PCDH7: variants seen among roughly 807,000 people sequenced by gnomAD.
PCDH7 encodes the protein protocadherin 7.
A neutral mutation model predicts 58.9 loss-of-function variants in PCDH7; 17 were observed. That is an observed-to-expected ratio of 0.29 (90% CI 0.20 to 0.43). PCDH7 has a LOEUF of 0.43. Ranked by LOEUF, PCDH7 falls within the 20% of genes least tolerant of loss-of-function variation. PCDH7 has a pLI of 1.00. For missense variants in PCDH7, 1,274 were observed against 1,441.0 expected (o/e 0.88, Z 1.88); for synonymous variants, 664 against 616.4 (o/e 1.08, Z -1.14).
At chr4:30,949,741 TG>T (rs1019514597) in intron 2 of PCDH7, among the ~76,000 whole-genome samples, 2 of 152,112 alleles carry the variant, frequency 1.3e-5, no homozygotes, top group African/African-American at 4.8e-5. Context: ...ATAATCCTAC[TG>T]TATGTTAGAA....
intron 1 of PCDH7, among the ~76,000 whole-genome samples, chr4:30,836,122 G>A (rs998021720): frequency 2.6e-5 from 4 of 152,162 alleles, no homozygotes; most frequent in African/African-American, 9.7e-5. Flanking sequence ...GACTTGGATA[G>A]CTAATGGAGA....
At chr4:31,102,297 A>T (rs1037843712) in intron 3 of PCDH7, among the ~76,000 whole-genome samples, 19 of 152,152 alleles carry the variant, frequency 1.2e-4, no homozygotes, top group Non-Finnish European at 2.5e-4. Context: ...TTGGAAACTG[A>T]AATACTTTAT....
At position 31,082,730 on chromosome 4, in the gene PCDH7, T is replaced by C. The variant is rs192754692; in HGVS notation, c.*8-59743T>C. ...TAAAAGTAGGAACTAAGCTATGAGT[T>C]CACAAAGGCATACAGAGTGATATAA... On this transcript the variant is annotated intron_variant, in intron 3 of 3. Coordinates refer to the PCDH7 transcript ENST00000509759. 8.4e-4 allele frequency among the ~76,000 whole-genome samples: 101 copies of C among 120,030 alleles called. 1 individual carries two copies. Among genetic ancestry groups the C allele is most frequent in the African/African-American group, 3.2e-3 (99 of 31,290 alleles). 78.7% of individuals were successfully genotyped at this position (120,030 alleles called of 152,430 possible). A position where few individuals can be genotyped will look rare whatever the true frequency, so the allele number is the denominator to read the frequency against.
intron 2 of PCDH7, among the ~76,000 whole-genome samples, chr4:30,931,361 A>T (rs1322325549): frequency 6.6e-6 from 1 of 152,164 alleles, no homozygotes; most frequent in Non-Finnish European, 1.5e-5. Flanking sequence ...GGATCACCTG[A>T]GGTCAGGAGT....
intron 2 of PCDH7, among the ~76,000 whole-genome samples, chr4:30,947,749 T>G (rs1746881850): frequency 6.6e-6 from 1 of 152,164 alleles, no homozygotes; most frequent in African/African-American, 2.4e-5. Context: ...TATAATATAA[T>G]AGTGCTATCT....
At chr4:30,986,217 T>C (rs572972216) in intron 3 of PCDH7, among the ~76,000 whole-genome samples, 5 of 152,300 alleles carry the variant, frequency 3.3e-5, no homozygotes, top group East Asian at 1.9e-4. Flanking sequence ...TTACAGTTTC[T>C]TTTGGCCTGC....
Position 30,722,280 on chromosome 4 carries a change from G to A in PCDH7, c.858G>A (p.Pro286=). 1 of 1,601,992 alleles carries A rather than the reference G, an allele frequency of 6.2e-7. No individual in the cohort carries two copies. Among genetic ancestry groups the A allele is most frequent in the Non-Finnish European group, 8.5e-7 (1 of 1,175,352 alleles). Residue 286 remains proline, a synonymous_variant, in exon 1 of 2, where the codon CCG becomes CCA. Transcript: ENST00000361762. The surrounding 1 kb of genome is among the most constrained non-coding windows in gnomAD (Gnocchi z 7.6). ...TGCGAGTGCGCGACGGCGGCGACCC[G>A]CCTCGCTCCTCGCAGGCCATCCTAC...
chr4:31,103,306 T>C (rs980689032), intron 3 of PCDH7, among the ~76,000 whole-genome samples: 1 of 152,084 alleles, frequency 6.6e-6, no homozygotes, highest in Non-Finnish European at 1.5e-5. Flanking sequence ...GCATATAATT[T>C]TTTGGAAAAT....
chr4:30,920,430 C>T (rs1743047261), intron 2 of PCDH7, 61 bp downstream of exon 2: 10 of 1,219,544 alleles, frequency 8.2e-6, no homozygotes, highest in East Asian at 1.0e-4. Flanking sequence ...TAAGTAGACT[C>T]GCGAAGGTCA....
At chr4:31,088,480 C>T (rs957842488) in intron 3 of PCDH7, among the ~76,000 whole-genome samples, 1 of 152,094 alleles carries the variant, frequency 6.6e-6, no homozygotes, top group African/African-American at 2.4e-5. Context: ...ATATCTCATA[C>T]GTCATAAATT....
Position 30,847,344 on chromosome 4 carries a change from C to CA in PCDH7, c.71-72806dup, listed in dbSNP as rs533814314. ...AGCTTTCTGCATTAGAGGGCTGATT[C>CA]AAACTAGTTGTGTTGCAGGCCTCCC... is the stretch of plus-strand genomic sequence containing the variant. On this transcript the variant is annotated intron_variant, in intron 1 of 3. Transcript: ENST00000509759. Among the ~76,000 whole-genome samples, 57 of 152,184 alleles carry CA rather than the reference C, an allele frequency of 3.7e-4. 1 individual carries two copies. The East Asian group carries it at 0.011, about 29-fold the overall frequency.
At chr4:30,930,369 A>C (rs190476503) in intron 2 of PCDH7, among the ~76,000 whole-genome samples, 27 of 152,348 alleles carry the variant, frequency 1.8e-4, no homozygotes, top group African/African-American at 6.5e-4. Context: ...ATTCTGGTTA[A>C]GATATCCTGT....
intron 3 of PCDH7, among the ~76,000 whole-genome samples, chr4:31,039,272 A>G (rs777292206): frequency 1.3e-5 from 2 of 152,222 alleles, no homozygotes; most frequent in Non-Finnish European, 2.9e-5. Context: ...TCAGAGGCAA[A>G]TATTAGAGCT....
intron 1 of PCDH7, among the ~76,000 whole-genome samples, chr4:30,863,649 G>C (rs1292610504): frequency 6.6e-6 from 1 of 152,078 alleles, no homozygotes; most frequent in Non-Finnish European, 1.5e-5. Flanking sequence ...ACTCTCAAAT[G>C]TGTCTGACTA....
chr4:30,840,082 G>A (rs766761974), intron 1 of PCDH7, among the ~76,000 whole-genome samples: 1 of 151,656 alleles, frequency 6.6e-6, no homozygotes, highest in Admixed American at 6.6e-5. Flanking sequence ...AGGAGTAGGG[G>A]TAGTTGAACA....
At chr4:30,823,642 G>A (rs1474302277) in intron 1 of PCDH7, among the ~76,000 whole-genome samples, 1 of 152,068 alleles carries the variant, frequency 6.6e-6, no homozygotes, top group Non-Finnish European at 1.5e-5. Context: ...CCAGAGATCA[G>A]AATATGAGAC....
chr4:31,134,289 G>A (rs1223163904), intron 3 of PCDH7, among the ~76,000 whole-genome samples: 6 of 151,934 alleles, frequency 3.9e-5, no homozygotes, highest in African/African-American at 9.7e-5. Context: ...ATGAAACCCC[G>A]TCTCTACTAA....
chr4:30,835,345 T>G (rs1730357901), intron 1 of PCDH7, among the ~76,000 whole-genome samples: 1 of 152,048 alleles, frequency 6.6e-6, no homozygotes, highest in Non-Finnish European at 1.5e-5. Flanking sequence ...AGCGGTGGCA[T>G]TAGATTTTCA....
chr4:30,974,323 G>A (rs1749877437), intron 3 of PCDH7, among the ~76,000 whole-genome samples: 1 of 137,958 alleles, frequency 7.2e-6, no homozygotes, highest in Non-Finnish European at 1.5e-5. Context: ...CATGACCTGG[G>A]GAGGAAAACA....
Sources: gnomAD v4.1 joint callset for allele counts (sites outside exome capture counted in the v4.1 genomes callset) on GRCh38, gnomAD v4.1.1 for gene constraint, Gnocchi (gnomAD v3.1) non-coding constraint, MANE v1.5 for transcripts, NCBI Gene and HGNC (gene_info 2026-07-23, HGNC 2026-07-21) for gene names.